The following GLIS3 variants were observed in gnomAD, a reference collection of about 807,000 sequenced individuals.
GLIS3 encodes the protein zinc finger protein GLIS3.
GLIS3 carries 53 observed loss-of-function variants against 78.6 expected under a neutral mutation model. The ratio of observed to expected loss-of-function variants is 0.67; its 90% confidence interval spans 0.54 to 0.85. The LOEUF is 0.85. GLIS3 is among the 40% of genes least tolerant of loss of function. GLIS3 has a pLI of 0.00. For synonymous variants in GLIS3, 684 were observed against 509.9 expected, an observed-to-expected ratio of 1.34 and a Z score of -4.60; for missense variants, 1,703 against 1,231.1, an observed-to-expected ratio of 1.38 and a Z score of -5.74.
chr9:4,143,667 C>G (rs757703566), intron 2 of GLIS3, among the ~76,000 whole-genome samples: 2 of 152,224 alleles, frequency 1.3e-5, no homozygotes, highest in Non-Finnish European at 2.9e-5. Context: ...TGAGCAATCT[C>G]CAGAACTTAT....
rs190654579 is a variant in GLIS3, at chr9:4,250,113, T to C, written c.388+35925A>G. 4.9e-4 allele frequency among the ~76,000 whole-genome samples: 74 copies of C among 152,332 alleles called. 1 individual carries two copies. In the East Asian group the frequency reaches 0.01, roughly 21 times the overall value. On this transcript the variant is annotated intron_variant, in intron 2 of 10. Transcript: ENST00000381971. ...GTTGTATCTCTGCCAGGTTTTGGTA[T>C]CAGGATGATGCTGGCCTCATAAAAT...
rs1209054814 is a variant in GLIS3 at position 3,827,409 on chromosome 9, A to G, written c.*863T>C. On this transcript the variant is annotated 3_prime_UTR_variant, in exon 11 of 11. Coordinates refer to ENST00000381971, the MANE Select transcript of GLIS3 (RefSeq NM_001042413.2). Reference sequence around the variant, plus strand: ...ACACAGTCTTTGAGGTGGAGTTACTAAACAGTCAACTCAGGAAGGTTCCAG... The same window carrying G: ...ACACAGTCTTTGAGGTGGAGTTACTGAACAGTCAACTCAGGAAGGTTCCAG... 2.0e-5 allele frequency: 3 copies of G among 152,206 alleles called. No homozygotes were observed. Among genetic ancestry groups the G allele is most frequent in the Non-Finnish European group, 2.9e-5 (2 of 68,056 alleles). The allele number at this position is 152,206 out of a possible 1,614,324, so 9.4% of individuals were successfully genotyped here.
chr9:4,454,750 G>C, the GLIS3 span, among the ~76,000 whole-genome samples: 1 of 152,102 alleles, frequency 6.6e-6, no homozygotes, highest in Admixed American at 6.5e-5. Flanking sequence ...GGACAGTTAG[G>C]TTCTCTCTCT....
At chr9:3,920,372 T>G (rs1413581036) in intron 6 of GLIS3, among the ~76,000 whole-genome samples, 2 of 152,186 alleles carry the variant, frequency 1.3e-5, no homozygotes, top group East Asian at 3.8e-4. Flanking sequence ...ATAAAAGTGG[T>G]ACTGAGTTTG....
At chr9:4,250,056 T>C (rs1250837600) in intron 2 of GLIS3, among the ~76,000 whole-genome samples, 1 of 152,236 alleles carries the variant, frequency 6.6e-6, no homozygotes, top group Non-Finnish European at 1.5e-5. Flanking sequence ...TTGATGTTCA[T>C]CAGGGATATT....
rs577031646 is a variant in GLIS3, at chr9:4,224,723, T to C, written c.388+61315A>G. Among the ~76,000 whole-genome samples, 380 of 146,346 alleles carry C rather than the reference T, an allele frequency of 2.6e-3. 2 individuals carry two copies. The highest frequency in any genetic ancestry group is 8.7e-3 in the African/African-American group (332 of 38,180). On this transcript the variant is annotated intron_variant, in intron 2 of 10. Coordinates refer to ENST00000381971, the MANE Select transcript of GLIS3 (RefSeq NM_001042413.2). ...TTACCTGTTTTTCATCTTTTTCTGT[T>C]TTTTTTTTTTTATTTCTATCTTTGA...
At chr9:4,405,074 G>T in the GLIS3 span, among the ~76,000 whole-genome samples, 1 of 152,186 alleles carries the variant, frequency 6.6e-6, no homozygotes, top group South Asian at 2.1e-4. Flanking sequence ...AAATGATCCT[G>T]CCTGGCGCAG....
the GLIS3 span, among the ~76,000 whole-genome samples, chr9:4,412,041 C>T: frequency 7.9e-5 from 12 of 152,128 alleles, 1 homozygote; most frequent in Admixed American, 7.9e-4. Flanking sequence ...GTTGTCAAAT[C>T]CTTTAACAAA....
intron 6 of GLIS3, among the ~76,000 whole-genome samples, chr9:3,909,142 A>G (rs1426475722): frequency 6.6e-6 from 1 of 152,240 alleles, no homozygotes; most frequent in Non-Finnish European, 1.5e-5. Flanking sequence ...TTTTTTCCCC[A>G]GAGGGTTAAG....
the GLIS3 span, among the ~76,000 whole-genome samples, chr9:4,470,854 C>T: frequency 4.6e-5 from 7 of 151,344 alleles, no homozygotes; most frequent in East Asian, 3.9e-4. Context: ...TCTAGAAAAC[C>T]CCATTGTCTC....
the GLIS3 span, among the ~76,000 whole-genome samples, chr9:4,486,289 T>C: frequency 6.6e-6 from 1 of 152,180 alleles, no homozygotes; most frequent in South Asian, 2.1e-4. Context: ...AGTTCCTTTA[T>C]CTGCGTAAGA....
intron 2 of GLIS3, among the ~76,000 whole-genome samples, chr9:4,163,871 T>A (rs1424618049): frequency 1.3e-5 from 2 of 152,204 alleles, no homozygotes; most frequent in African/African-American, 4.8e-5. Flanking sequence ...AATAACAACA[T>A]ATAATGAAAA....
chr9:4,217,924 C>G (rs1820995712), intron 2 of GLIS3, among the ~76,000 whole-genome samples: 1 of 152,212 alleles, frequency 6.6e-6, no homozygotes, highest in Non-Finnish European at 1.5e-5. Flanking sequence ...TGAGGACTTA[C>G]AAACATATGG....
chr9:4,130,822 G>A (rs1264773976), intron 2 of GLIS3, among the ~76,000 whole-genome samples: 1 of 152,130 alleles, frequency 6.6e-6, no homozygotes, highest in Non-Finnish European at 1.5e-5. Flanking sequence ...TGACAAGAGG[G>A]ACACCATCTT....
chr9:4,028,643 A>C lies in GLIS3; in HGVS notation c.1710+89125T>G, dbSNP rs76127582. ...GAGCCCCTTGTGCCCAATTCCAGCC[A>C]TTTTTCCCCAATGCTAATTCCTTAA... On this transcript the variant is annotated intron_variant, in intron 4 of 10. Coordinates refer to ENST00000381971, the MANE Select transcript of GLIS3 (RefSeq NM_001042413.2). Among the ~76,000 whole-genome samples, 26 of 152,240 alleles carry C rather than the reference A, an allele frequency of 1.7e-4. No homozygotes were observed. In the East Asian group the frequency reaches 4.6e-3, roughly 27 times the overall value.
At chr9:4,172,671 A>G (rs1013914745) in intron 2 of GLIS3, among the ~76,000 whole-genome samples, 3 of 152,226 alleles carry the variant, frequency 2.0e-5, no homozygotes, top group Non-Finnish European at 4.4e-5. Context: ...ATCATAGTAC[A>G]AAAGGGCTTT....
chr9:3,933,094 T>G (rs1266019347), intron 5 of GLIS3, among the ~76,000 whole-genome samples: 6 of 152,112 alleles, frequency 3.9e-5, no homozygotes, highest in African/African-American at 1.4e-4. Context: ...CTTGGCTGAG[T>G]GCAATCAGAA....
chr9:4,362,665 G>C, the GLIS3 span, among the ~76,000 whole-genome samples: 1 of 152,172 alleles, frequency 6.6e-6, no homozygotes, highest in African/African-American at 2.4e-5. Context: ...TATTCTTGTG[G>C]TCAAAAACAT....
At chr9:4,384,110 GT>G in the GLIS3 span, among the ~76,000 whole-genome samples, 1 of 152,314 alleles carries the variant, frequency 6.6e-6, no homozygotes, top group South Asian at 2.1e-4. Context: ...GCCTTTGGGG[GT>G]TAACCAGTTA....
Sources: gnomAD v4.1 joint callset for allele counts (sites outside exome capture counted in the v4.1 genomes callset) on GRCh38, gnomAD v4.1.1 for gene constraint, MANE v1.5 for transcripts, NCBI Gene and HGNC (gene_info 2026-07-23, HGNC 2026-07-21) for gene names.